DENND4A: variants seen among roughly 807,000 people sequenced by gnomAD.
DENND4A encodes DENN domain containing 4A.
A neutral mutation model predicts 199.3 loss-of-function variants in DENND4A; 70 were observed. The observed-to-expected ratio is 0.35, with a 90% CI of 0.29 to 0.43. DENND4A has a LOEUF of 0.43. DENND4A is among the 20% of genes least tolerant of loss of function. The probability of loss-of-function intolerance (pLI) is 1.00; values close to 1 mark genes in which losing one functional copy is unlikely to be tolerated. For missense variants in DENND4A, 1,723 were observed against 2,255.8 expected, an observed-to-expected ratio of 0.76 and a Z score of 4.78; for synonymous variants, 686 against 766.9, an observed-to-expected ratio of 0.89 and a Z score of 1.74.
At chr15:65,669,461 T>G (rs376354896) in intron 27 of DENND4A, among the ~76,000 whole-genome samples, 5 of 152,136 alleles carry the variant, frequency 3.3e-5, no homozygotes. Flanking sequence ...CCTGAAGAGA[T>G]AGAGACAAGA....
chr15:65,665,235 A>G, intron 30 of DENND4A, 110 bp downstream of exon 30: 1 of 788,488 alleles, frequency 1.3e-6, no homozygotes, highest in Non-Finnish European at 2.0e-6. Flanking sequence ...CCTGTAAGAC[A>G]AAAAGTAGTA....
At chr15:65,771,838 A>T in intron 1 of DENND4A, 1 of 1,612,920 alleles carries the variant, frequency 6.2e-7, no homozygotes, top group African/African-American at 1.3e-5. Flanking sequence ...TGGATTACTT[A>T]AAACAGCATA....
intron 1 of DENND4A, among the ~76,000 whole-genome samples, chr15:65,765,054 C>T (rs1212381932): frequency 6.6e-6 from 1 of 151,120 alleles, no homozygotes; most frequent in Admixed American, 6.6e-5. Flanking sequence ...TATTTCCATT[C>T]TGATGAATGA....
At chr15:65,752,710 T>C (rs2076600365) in intron 3 of DENND4A, 82 bp from the exon 4 acceptor site, 1 of 852,450 alleles carries the variant, frequency 1.2e-6, no homozygotes, top group African/African-American at 1.7e-5. Flanking sequence ...CAACTGATCC[T>C]TAAATGTAGT....
Position 65,697,191 on chromosome 15 carries a change from C to T in DENND4A, c.2950+76G>A, listed in dbSNP as rs1009603626. On this transcript the variant is annotated intron_variant, in intron 21 of 32. Transcript: ENST00000443035. ...GGAAAAATGGAAAGTAAAACCAGCA[C>T]TTTTATAAAATCACCTGCATTTTCT... is the stretch of plus-strand genomic sequence containing the variant. The T allele has an allele frequency of 7.3e-6, 7 of 961,782 alleles. No homozygotes were observed. In the Admixed American group the frequency reaches 1.6e-4, roughly 22 times the overall value. The allele number at this position is 961,782 out of a possible 1,614,324, so 59.6% of individuals were successfully genotyped here.
intron 20 of DENND4A, among the ~76,000 whole-genome samples, chr15:65,698,005 A>T (rs985152581): frequency 2.0e-5 from 3 of 152,182 alleles, no homozygotes; most frequent in Non-Finnish European, 4.4e-5. Flanking sequence ...TAATCCCAGC[A>T]TTTTGGAAGG....
Position 65,690,770 on chromosome 15 carries a change from GC to G in DENND4A, c.3823del (p.Ala1275HisfsTer6), listed in dbSNP as rs1213239202. The G allele has an allele frequency of 6.2e-7, 1 of 1,613,274 alleles. No individual in the cohort carries two copies. Among genetic ancestry groups the G allele is most frequent in the Non-Finnish European group, 8.5e-7 (1 of 1,179,760 alleles). On this transcript the variant is annotated frameshift_variant, in exon 23 of 33. Coordinates refer to ENST00000443035, the MANE Select transcript of DENND4A (RefSeq NM_001320835.1). LOFTEE classifies it high-confidence loss of function. ...TTTCTTATTTAATTTATCATCACATGCCCGTTGTAAATCAATGCTTGGTGTA... is the reference window on the plus strand; with the variant it reads ...TTTCTTATTTAATTTATCATCACATGCCGTTGTAAATCAATGCTTGGTGTA... Reference protein sequence around the residue: ...SRTPSIDLQRACDDKLNKKSP... With the variant: ...SRTPSIDLQRXCDDKLNKKSP...
intron 1 of DENND4A, among the ~76,000 whole-genome samples, chr15:65,775,637 C>CAAAAAAAAAAA (rs59714693): frequency 2.2e-4 from 6 of 27,680 alleles, no homozygotes; most frequent in Admixed American, 5.8e-4. Flanking sequence ...CAAGACTCCT[C>CAAAAAAAAAAA]AAAAAAAAAA....
At chr15:65,738,169 AATTT>A (rs996412553) in intron 6 of DENND4A, among the ~76,000 whole-genome samples, 2 of 152,194 alleles carry the variant, frequency 1.3e-5, no homozygotes, top group African/African-American at 2.4e-5. Flanking sequence ...GTTTTGATTA[AATTT>A]ATTTGTTTTA....
intron 1 of DENND4A, among the ~76,000 whole-genome samples, chr15:65,785,041 T>C (rs1308898141): frequency 6.6e-6 from 1 of 151,492 alleles, no homozygotes; most frequent in African/African-American, 2.4e-5. Flanking sequence ...CCCAGCTACT[T>C]GGGAATTGCT....
At position 65,785,544 on chromosome 15, in the gene DENND4A, T is replaced by C. The variant is rs199944059; in HGVS notation, c.-102+6466A>G. The stretch of plus-strand genomic sequence containing the variant: ...TTCTTTTTGTTGTTATATTGTTTTG[T>C]ACGAGACATTTTTATTTTTGAAAAG... On this transcript the variant is annotated intron_variant, in intron 1 of 32. Transcript: ENST00000443035. Among the ~76,000 whole-genome samples the C allele has an allele frequency of 1.2e-4, 17 of 140,100 alleles. No homozygotes were observed. In the East Asian group the frequency reaches 7.3e-3, roughly 61 times the overall value. The allele number at this position is 140,100 out of a possible 152,430, so 91.9% of individuals were successfully genotyped here.
chr15:65,706,102 A>AGG lies in DENND4A; in HGVS notation c.2074_2075dup (p.Gln694TyrfsTer88). 1 of 1,598,966 alleles carries AGG rather than the reference A, an allele frequency of 6.3e-7. No homozygotes were observed. Among genetic ancestry groups the AGG allele is most frequent in the Non-Finnish European group, 8.5e-7 (1 of 1,173,312 alleles). ...TGCCTCTTGAATACCTGTACTGTAAAGGGGGTTCTTCACCATTGGGTAGGT... is the reference window on the plus strand; with the variant it reads ...TGCCTCTTGAATACCTGTACTGTAAAGGGGGGGTTCTTCACCATTGGGTAGGT... On this transcript the variant is annotated frameshift_variant, in exon 15 of 33. Transcript: ENST00000443035. LOFTEE classifies it high-confidence loss of function.
intron 2 of DENND4A, among the ~76,000 whole-genome samples, chr15:65,760,712 A>G (rs975617778): frequency 1.3e-5 from 2 of 152,040 alleles, no homozygotes; most frequent in Admixed American, 1.3e-4. Context: ...AACATGGTGA[A>G]ACCTCGTTTC....
chr15:65,740,298 G>GA (rs1284724821), intron 5 of DENND4A, among the ~76,000 whole-genome samples: 75 of 147,678 alleles, frequency 5.1e-4, no homozygotes, highest in Non-Finnish European at 7.8e-4. Context: ...AAAAAAGAAA[G>GA]AAAAAAAAAG....
chr15:65,712,685 T>G (rs1343632425), intron 14 of DENND4A, among the ~76,000 whole-genome samples: 1 of 151,994 alleles, frequency 6.6e-6, no homozygotes, highest in East Asian at 1.9e-4. Flanking sequence ...CTGAACCAAT[T>G]TATGAATATC....
At chr15:65,704,583 C>T (rs756066793) in intron 15 of DENND4A, among the ~76,000 whole-genome samples, 4 of 151,976 alleles carry the variant, frequency 2.6e-5, no homozygotes, top group Admixed American at 1.3e-4. Context: ...CTATGTTGCA[C>T]AGGCTGAAAT....
intron 4 of DENND4A, among the ~76,000 whole-genome samples, chr15:65,744,959 A>C (rs977248143): frequency 1.3e-5 from 2 of 152,248 alleles, no homozygotes; most frequent in African/African-American, 4.8e-5. Flanking sequence ...GACAAGTTAC[A>C]TAAGTATTTT....
chr15:65,735,787 T>C (rs11635088), intron 7 of DENND4A, among the ~76,000 whole-genome samples: 1,567 of 152,148 alleles, frequency 0.01, 16 homozygotes, highest in Middle Eastern at 0.037. Context: ...GAGTGCAATT[T>C]TTGTTTGAAA....
chr15:65,662,129 C>T, intron 32 of DENND4A, 142 bp from the exon 33 acceptor site: 1 of 714,992 alleles, frequency 1.4e-6, no homozygotes, highest in Non-Finnish European at 2.2e-6. Context: ...CAAAGGACCA[C>T]AGCTGGATTG....
Sources: allele counts gnomAD v4.1 joint callset (sites outside exome capture counted in the v4.1 genomes callset), GRCh38; gene constraint gnomAD v4.1.1; transcripts MANE v1.5; gene names NCBI Gene and HGNC (gene_info 2026-07-23, HGNC 2026-07-21).